Variants in PHF24 observed in about 807,000 individuals in gnomAD.
PHF24 encodes Galpha inhibitory interacting protein.
Under a neutral mutation model 42.6 loss-of-function variants are expected in PHF24, and 25 were observed. The ratio of observed to expected loss-of-function variants is 0.59; its 90% CI spans 0.43 to 0.82. The LOEUF is 0.82. Among genes scored for constraint, PHF24 ranks in the 40% least tolerant of loss-of-function variants. The pLI, the probability that PHF24 is intolerant of heterozygous loss-of-function variation, is 0.00. For missense variants in PHF24, 470 were observed against 538.1 expected (o/e 0.87, Z 1.25); for synonymous variants, 185 against 204.8 (o/e 0.90, Z 0.83).
At chr9:34,754,398 C>A in the PHF24 span, among the ~76,000 whole-genome samples, 1 of 151,860 alleles carries the variant, frequency 6.6e-6, no homozygotes, top group African/African-American at 2.4e-5. Context: ...GAAGACATAC[C>A]AATGGCAAAC....
At chr9:34,821,889 C>T in the PHF24 span, among the ~76,000 whole-genome samples, 2 of 152,290 alleles carry the variant, frequency 1.3e-5, no homozygotes, top group Admixed American at 6.5e-5. Context: ...CTCTCATACT[C>T]AATAAGGCCA....
the PHF24 span, among the ~76,000 whole-genome samples, chr9:34,705,550 G>A: frequency 6.6e-6 from 1 of 152,120 alleles, no homozygotes; most frequent in East Asian, 1.9e-4. Flanking sequence ...CAAAGTGTTG[G>A]GATTACAGGC....
At chr9:34,886,806 G>C in the PHF24 span, among the ~76,000 whole-genome samples, 107 of 128,806 alleles carry the variant, frequency 8.3e-4, no homozygotes, top group African/African-American at 2.6e-3. Context: ...CTCTATCTAT[G>C]TATCTATCTA....
At chr9:34,723,421 G>A in the PHF24 span, 1 of 1,551,758 alleles carries the variant, frequency 6.4e-7, no homozygotes, top group South Asian at 1.2e-5. Flanking sequence ...ATTGGGCCTT[G>A]GAGCACCCTG....
the PHF24 span, among the ~76,000 whole-genome samples, chr9:34,855,907 C>T: frequency 2.0e-5 from 3 of 152,164 alleles, no homozygotes; most frequent in Non-Finnish European, 4.4e-5. Context: ...TTCAGGTACC[C>T]TAATCAGTCA....
rs963686981 is a variant in PHF24 at position 34,972,673 on chromosome 9, T to C, written c.564+142T>C. The C allele has an allele frequency of 1.0e-5, 7 of 700,718 alleles. No homozygotes were observed. In the Admixed American group the frequency reaches 1.0e-4, roughly 10 times the overall value. The allele number at this position is 700,718 out of a possible 1,614,324, so 43.4% of individuals were successfully genotyped here. On this transcript the variant is annotated intron_variant, in intron 3 of 7. Coordinates refer to ENST00000242315, the Ensembl canonical transcript of PHF24. ...GCTCATGCCTGTAATCCCAGCACTT[T>C]GGGAGGCCAGTGCCGGAAGATCACG... is the stretch of plus-strand genomic sequence containing the variant.
chr9:34,721,794 T>G, the PHF24 span, among the ~76,000 whole-genome samples: 3 of 152,290 alleles, frequency 2.0e-5, no homozygotes, highest in East Asian at 5.8e-4. Flanking sequence ...TCATCAATGA[T>G]CTCTGTGTGG....
the PHF24 span, among the ~76,000 whole-genome samples, chr9:34,886,787 G>A: frequency 1.6e-5 from 2 of 121,652 alleles, no homozygotes; most frequent in African/African-American, 3.2e-5. Context: ...TGTCTACTCT[G>A]TCTATCTACT....
chr9:34,867,085 G>C, the PHF24 span, among the ~76,000 whole-genome samples: 2 of 152,228 alleles, frequency 1.3e-5, no homozygotes, highest in Non-Finnish European at 2.9e-5. Flanking sequence ...ATGATCTTCA[G>C]CCTCTGGGGG....
chr9:34,940,090 G>C, the PHF24 span, among the ~76,000 whole-genome samples: 2 of 151,870 alleles, frequency 1.3e-5, no homozygotes, highest in African/African-American at 4.8e-5. Context: ...AGAGGGAGGT[G>C]GGGGGAAAGT....
chr9:34,912,735 A>C, the PHF24 span, among the ~76,000 whole-genome samples: 1 of 152,324 alleles, frequency 6.6e-6, no homozygotes, highest in Middle Eastern at 3.4e-3. Context: ...AAATAACAAC[A>C]ACCAACATTC....
At chr9:34,701,623 C>T in the PHF24 span, among the ~76,000 whole-genome samples, 1 of 152,102 alleles carries the variant, frequency 6.6e-6, no homozygotes, top group Non-Finnish European at 1.5e-5. This position sits in a 1 kb window ranked among gnomAD's most constrained non-coding sequence, Gnocchi z 5.8. Flanking sequence ...CCTGGCCCCG[C>T]CGTCCCTGGG....
chr9:34,887,231 A>G, the PHF24 span, among the ~76,000 whole-genome samples: 6 of 152,154 alleles, frequency 3.9e-5, no homozygotes, highest in Non-Finnish European at 7.4e-5. Flanking sequence ...TGCTATAATT[A>G]CCGGAGTAAC....
chr9:34,788,257 G>A, the PHF24 span, among the ~76,000 whole-genome samples: 1 of 152,080 alleles, frequency 6.6e-6, no homozygotes, highest in African/African-American at 2.4e-5. Context: ...TGCCCAGTCT[G>A]GTCTTGAACT....
chr9:34,976,861 C>T (rs550696529), intron 5 of PHF24, 121 bp downstream of exon 5: 8 of 960,288 alleles, frequency 8.3e-6, no homozygotes, highest in East Asian at 2.6e-5. Context: ...CAGGAATGGG[C>T]TCAGGTTCCA....
the PHF24 span, among the ~76,000 whole-genome samples, chr9:34,876,231 C>T: frequency 2.6e-5 from 4 of 151,924 alleles, no homozygotes; most frequent in Non-Finnish European, 5.9e-5. Context: ...TTCATGATTG[C>T]CAAAACTTGG....
the PHF24 span, among the ~76,000 whole-genome samples, chr9:34,750,340 C>T: frequency 1.3e-5 from 2 of 151,800 alleles, no homozygotes; most frequent in African/African-American, 4.8e-5. Flanking sequence ...ACTAAAAATA[C>T]AAAAATTGAC....
chr9:34,676,614 G>C, the PHF24 span, among the ~76,000 whole-genome samples: 1 of 152,200 alleles, frequency 6.6e-6, no homozygotes, highest in Non-Finnish European at 1.5e-5. Context: ...ACAGATACTG[G>C]ATTGGGCTGT....
At chr9:34,967,062 T>C (rs1362085922) in intron 1 of PHF24, among the ~76,000 whole-genome samples, 2 of 152,076 alleles carry the variant, frequency 1.3e-5, no homozygotes, top group African/African-American at 4.8e-5. Context: ...TTTTTACATA[T>C]ACCCACAGGT....
Sources: allele counts gnomAD v4.1 joint callset (sites outside exome capture counted in the v4.1 genomes callset), GRCh38; gene constraint gnomAD v4.1.1; non-coding constraint Gnocchi (gnomAD v3.1); transcripts MANE v1.5; gene names NCBI Gene and HGNC (gene_info 2026-07-23, HGNC 2026-07-21).